CCDC97: variants seen among roughly 807,000 people sequenced by gnomAD.
The protein encoded by CCDC97 is coiled-coil domain containing 97.
A neutral mutation model predicts 33.9 loss-of-function variants in CCDC97; 27 were observed. That is an observed-to-expected ratio of 0.80 (90% CI 0.59 to 1.10). The LOEUF is 1.10. Ranked by LOEUF, CCDC97 falls within the 50% of genes least tolerant of loss-of-function variation. The pLI, the probability that CCDC97 is intolerant of heterozygous loss-of-function variation, is 0.00. For missense variants in CCDC97, 422 were observed against 476.6 expected (o/e 0.89, Z 1.07); for synonymous variants, 217 against 194.0 (o/e 1.12, Z -0.99).
intron 2 of CCDC97, among the ~76,000 whole-genome samples, chr19:41,318,214 C>T (rs943713536): frequency 5.9e-5 from 9 of 151,364 alleles, no homozygotes; most frequent in Non-Finnish European, 8.8e-5. Context: ...TTTGGGAGGC[C>T]GAGGCAGGCA....
At position 41,320,400 on chromosome 19, in the gene CCDC97, C is replaced by T; in HGVS notation, c.841C>T (p.Leu281=). The part of the protein sequence containing the change: ...WVPDSEERLI[L]REEFTSRMHQ... ...TCCCGACTCGGAGGAGAGGCTGATC[C>T]TGCGAGAGGAGTTCACCAGCCGCAT... Residue 281 remains leucine (L), a synonymous_variant, in exon 4 of 5, where the codon CTG becomes TTG. Coordinates refer to ENST00000269967, the MANE Select transcript of CCDC97 (RefSeq NM_052848.3). 6.2e-7 allele frequency: 1 copy of T among 1,614,148 alleles called. No homozygotes were observed. The highest frequency in any genetic ancestry group is 8.5e-7 in the Non-Finnish European group (1 of 1,180,012).
In CCDC97 at chr19:41,316,611, A is replaced by G; in HGVS notation, c.274A>G (p.Lys92Glu). The G allele has an allele frequency of 6.2e-7, 1 of 1,614,212 alleles. No individual in the cohort carries two copies. The highest frequency in any genetic ancestry group is 1.1e-5 in the South Asian group (1 of 91,082). The part of the protein sequence containing the change: ...QGEPDLTEHE[K>E]VAILAQLYHE... ...TGAACCCGACTTGACAGAGCATGAG[A>G]AAGTGGCCATCCTGGCCCAGCTGTA... The change falls in exon 2 of 5, where the codon AAA becomes GAA. Residue 92 changes from lysine (K) to glutamate (E), a missense_variant. By Grantham distance (56) the Lys-to-Glu change is moderately conservative. Coordinates refer to ENST00000269967, the MANE Select transcript of CCDC97 (RefSeq NM_052848.3).
At chr19:41,314,906 G>A (rs1265257504) in intron 1 of CCDC97, among the ~76,000 whole-genome samples, 1 of 152,100 alleles carries the variant, frequency 6.6e-6, no homozygotes, top group Non-Finnish European at 1.5e-5. Flanking sequence ...GAAGATCGAG[G>A]TGGGAGGATT....
chr19:41,321,136 G>A (rs950340529), intron 4 of CCDC97, among the ~76,000 whole-genome samples: 2 of 152,242 alleles, frequency 1.3e-5, no homozygotes, highest in African/African-American at 2.4e-5. Context: ...CCCTACGTCC[G>A]TCCTGAGGTG....
intron 1 of CCDC97, among the ~76,000 whole-genome samples, chr19:41,312,229 G>T (rs2037694032): frequency 6.6e-6 from 1 of 152,092 alleles, no homozygotes; most frequent in Non-Finnish European, 1.5e-5. Context: ...GATCACAGGT[G>T]CCCGCCACTA....
chr19:41,310,242 CTT>C lies in CCDC97; in HGVS notation c.-68_-67del. 1.3e-6 allele frequency: 2 copies of C among 1,551,034 alleles called. No homozygotes were observed. The highest frequency in any genetic ancestry group is 2.4e-5 in the South Asian group (2 of 84,334). On this transcript the variant is annotated 5_prime_UTR_variant, in exon 1 of 5. Coordinates refer to ENST00000269967, the MANE Select transcript of CCDC97 (RefSeq NM_052848.3). ...GGAACATTCTCAGGCGAAAGTGTCT[CTT>C]GCGTGCGTGGGCCGGAGGTTAGTGT...
In CCDC97 at chr19:41,322,714, G is replaced by T; in HGVS notation, c.1031G>T (p.Ter344LeuextTer186). The T allele has an allele frequency of 1.2e-6, 2 of 1,612,908 alleles. No homozygotes were observed. The highest frequency in any genetic ancestry group is 1.7e-6 in the Non-Finnish European group (2 of 1,179,356). Residue 344 changes from the stop codon to leucine, a stop_lost, in exon 5 of 5, where the codon TGA becomes TTA. Transcript: ENST00000269967. ...DAPSPELDGD[*>L] The stretch of plus-strand genomic sequence containing the variant: ...CCCAGCCCAGAGCTGGATGGGGACT[G>T]ATGGCCGCCACCCTTCCCACCGCCT...
chr19:41,323,782 C>CGCCCCATGGA lies in CCDC97; in HGVS notation c.*1073_*1082dup, dbSNP rs775527469. The CGCCCCATGGA allele has an allele frequency of 4.2e-3, 652 of 153,896 alleles. 1 individual carries two copies. The highest frequency in any genetic ancestry group is 6.5e-3 in the Non-Finnish European group (446 of 68,856). 9.5% of individuals were successfully genotyped at this position (153,896 alleles called of 1,614,324 possible). A position where few individuals can be genotyped will look rare whatever the true frequency, so the allele number is the denominator to read the frequency against. Reference sequence around the variant, plus strand: ...CCTGCCCCCAGCTGGCCGCAGGGCCCGCCCCATGGAGCCCCCTGCCGCCCT... The same window carrying CGCCCCATGGA: ...CCTGCCCCCAGCTGGCCGCAGGGCCCGCCCCATGGAGCCCCATGGAGCCCCCTGCCGCCCT... On this transcript the variant is annotated 3_prime_UTR_variant, in exon 5 of 5. Coordinates refer to ENST00000269967, the MANE Select transcript of CCDC97 (RefSeq NM_052848.3).
chr19:41,314,332 G>C (rs1336542582), intron 1 of CCDC97, among the ~76,000 whole-genome samples: 1 of 152,008 alleles, frequency 6.6e-6, no homozygotes, highest in South Asian at 2.1e-4. Flanking sequence ...AGTAGAGACG[G>C]GGTTTCTCCC....
intron 4 of CCDC97, 119 bp downstream of exon 4, chr19:41,320,589 C>A: frequency 7.5e-7 from 1 of 1,332,636 alleles, no homozygotes. Flanking sequence ...GGCCCCAAAA[C>A]AGTTCCAGGA....
At chr19:41,316,279 C>T in intron 1 of CCDC97, 105 bp from the exon 2 acceptor site, 3 of 871,076 alleles carry the variant, frequency 3.4e-6, no homozygotes, top group South Asian at 3.3e-5. Context: ...GAACAGTGCC[C>T]AGAATATAGT....
At chr19:41,320,595 C>T in intron 4 of CCDC97, 125 bp downstream of exon 4, 1 of 1,277,272 alleles carries the variant, frequency 7.8e-7, no homozygotes, top group Non-Finnish European at 1.1e-6. Flanking sequence ...AAAACAGTTC[C>T]AGGATGTGGG....
chr19:41,316,304 T>A (rs920524990), intron 1 of CCDC97, 80 bp from the exon 2 acceptor site: 1 of 1,122,036 alleles, frequency 8.9e-7, no homozygotes, highest in Non-Finnish European at 1.3e-6. Flanking sequence ...GCCCAGTAAA[T>A]GTGAGCTGAG....
chr19:41,320,046 A>G (rs1042828396), intron 3 of CCDC97, among the ~76,000 whole-genome samples, 194 bp downstream of exon 3: 3 of 151,794 alleles, frequency 2.0e-5, no homozygotes, highest in African/African-American at 4.8e-5. Flanking sequence ...TGAGGCACCA[A>G]ATGAACCCTC....
rs570101732 is a variant in CCDC97, at chr19:41,319,380, C to T, written c.503-194C>T. Reference sequence around the variant, plus strand: ...CAGGCGCCTGCATTATTCACACGCACGCCTCAGGCGCCTGCATGAGTACTC... The same window carrying T: ...CAGGCGCCTGCATTATTCACACGCATGCCTCAGGCGCCTGCATGAGTACTC... On this transcript the variant is annotated intron_variant, in intron 2 of 4. Coordinates refer to ENST00000269967, the MANE Select transcript of CCDC97 (RefSeq NM_052848.3). 2.6e-5 allele frequency among the ~76,000 whole-genome samples: 4 copies of T among 151,294 alleles called. No individual in the cohort carries two copies. In the East Asian group the frequency reaches 7.7e-4, roughly 29 times the overall value.
Position 41,324,692 on chromosome 19 carries a change from G to C in CCDC97, c.*1977G>C, listed in dbSNP as rs1599879147. ...AGCAGCAGCTAGACTCCAGGACCTTGGGGTCATATCTCTCAGAAAGCCAAG... is the reference window on the plus strand; with the variant it reads ...AGCAGCAGCTAGACTCCAGGACCTTCGGGTCATATCTCTCAGAAAGCCAAG... On this transcript the variant is annotated 3_prime_UTR_variant, in exon 5 of 5. Coordinates refer to ENST00000269967, the MANE Select transcript of CCDC97 (RefSeq NM_052848.3). 6.6e-6 allele frequency: 1 copy of C among 152,320 alleles called. No individual in the cohort carries two copies. Among genetic ancestry groups the C allele is most frequent in the Non-Finnish European group, 1.5e-5 (1 of 68,048 alleles). The allele number at this position is 152,320 out of a possible 1,614,324, so 9.4% of individuals were successfully genotyped here.
At chr19:41,311,891 C>G (rs190821829) in intron 1 of CCDC97, among the ~76,000 whole-genome samples, 3 of 152,186 alleles carry the variant, frequency 2.0e-5, no homozygotes, top group African/African-American at 7.2e-5. Context: ...AGAGCAAGAC[C>G]CTGTTTCAAA....
At position 41,322,879 on chromosome 19, in the gene CCDC97, A is replaced by C. The variant is rs1599877913; in HGVS notation, c.*164A>C. 1.5e-6 allele frequency: 1 copy of C among 646,070 alleles called. No homozygotes were observed. The highest frequency in any genetic ancestry group is 3.6e-5 in the Admixed American group (1 of 27,644). 40.0% of individuals were successfully genotyped at this position (646,070 alleles called of 1,614,324 possible). On this transcript the variant is annotated 3_prime_UTR_variant, in exon 5 of 5. Coordinates refer to ENST00000269967, the MANE Select transcript of CCDC97 (RefSeq NM_052848.3). ...TCTAGTCTCATCTCAGACAACCCCCACCCCCACTGTTTCTGGGGTTCCCTT... is the reference window on the plus strand; with the variant it reads ...TCTAGTCTCATCTCAGACAACCCCCCCCCCCACTGTTTCTGGGGTTCCCTT...
chr19:41,317,591 C>T (rs571613688), intron 2 of CCDC97, among the ~76,000 whole-genome samples: 15 of 151,536 alleles, frequency 9.9e-5, no homozygotes, highest in African/African-American at 2.9e-4. Context: ...GGTGTGGTGG[C>T]GCCCTAGCTA....
Sources: gnomAD v4.1 joint callset for allele counts (sites outside exome capture counted in the v4.1 genomes callset) on GRCh38, gnomAD v4.1.1 for gene constraint, MANE v1.5 for transcripts, NCBI Gene and HGNC (gene_info 2026-07-23, HGNC 2026-07-21) for gene names.